UIMC1: variants seen among roughly 807,000 people sequenced by gnomAD.
UIMC1 encodes BRCA1-A complex subunit RAP80.
In UIMC1, 42 loss-of-function variants were observed where a neutral mutation model predicts 84.9. The observed-to-expected ratio is 0.49, with a 90% CI of 0.39 to 0.64. The LOEUF (loss-of-function observed/expected upper bound fraction) is 0.64, where lower values mean the gene tolerates loss of function less well. UIMC1 is among the 30% of genes least tolerant of loss of function. The pLI is 0.00. For missense variants in UIMC1, 825 were observed against 847.6 expected, an observed-to-expected ratio of 0.97 and a Z score of 0.33; for synonymous variants, 281 against 293.0, an observed-to-expected ratio of 0.96 and a Z score of 0.42.
intron 1 of UIMC1, among the ~76,000 whole-genome samples, chr5:177,000,145 A>G (rs894896809): frequency 2.0e-5 from 3 of 152,038 alleles, no homozygotes; most frequent in Non-Finnish European, 4.4e-5. Flanking sequence ...TTTTTAGGAG[A>G]GACGGGGTTT....
intron 2 of UIMC1, chr5:176,980,306 G>GTCCGTCCATCCGTCCATCCGTCCA (rs879280379): frequency 6.6e-6 from 1 of 151,194 alleles, no homozygotes; most frequent in African/African-American, 2.5e-5. Context: ...CCGTCCTTCT[G>GTCCGTCCATCCGTCCATCCGTCCA]TCCGTCCATC....
At chr5:177,015,347 T>A (rs1775647896) in intron 1 of UIMC1, among the ~76,000 whole-genome samples, 1 of 152,198 alleles carries the variant, frequency 6.6e-6, no homozygotes, top group South Asian at 2.1e-4. Context: ...CGTTAACTGC[T>A]CAATTCTCAG....
chr5:176,954,368 T>C (rs10516136), intron 8 of UIMC1, among the ~76,000 whole-genome samples: 14,846 of 152,144 alleles, frequency 0.098, 1,514 homozygotes, highest in African/African-American at 0.26. Flanking sequence ...CACTCGGTAG[T>C]GTAGTCTCTT....
chr5:176,980,749 T>C (rs1381173994), intron 2 of UIMC1, among the ~76,000 whole-genome samples: 8 of 152,098 alleles, frequency 5.3e-5, no homozygotes, highest in East Asian at 1.9e-4. Context: ...AGTAATACAA[T>C]TGTTTTGTTT....
chr5:176,945,716 C>G (rs1431501062), intron 9 of UIMC1, among the ~76,000 whole-genome samples: 1 of 152,248 alleles, frequency 6.6e-6, no homozygotes, highest in Non-Finnish European at 1.5e-5. Flanking sequence ...CATCTTGCCA[C>G]AGCTCCGCTA....
At chr5:176,933,269 G>T (rs1181065011) in intron 10 of UIMC1, among the ~76,000 whole-genome samples, 1 of 152,134 alleles carries the variant, frequency 6.6e-6, no homozygotes, top group Non-Finnish European at 1.5e-5. Context: ...CTTCTTCGAA[G>T]AAGAAATATA....
At chr5:176,943,225 C>T in intron 10 of UIMC1, 110 bp downstream of exon 10, 1 of 1,361,200 alleles carries the variant, frequency 7.3e-7, no homozygotes, top group Non-Finnish European at 9.8e-7. Flanking sequence ...AGACCAACAA[C>T]AACTTTAACT....
upstream of UIMC1, among the ~76,000 whole-genome samples, chr5:177,010,044 A>G (rs1215384124): frequency 1.3e-5 from 2 of 151,964 alleles, no homozygotes; most frequent in Non-Finnish European, 2.9e-5. Flanking sequence ...CCGTGTGGCC[A>G]GAAAAAAAAA....
At chr5:177,007,182 A>G (rs977435237), upstream of UIMC1, among the ~76,000 whole-genome samples, 246 of 152,098 alleles carry the variant, frequency 1.6e-3, no homozygotes, top group African/African-American at 5.7e-3. Flanking sequence ...CTGTACTAAA[A>G]TACAAAAATT....
chr5:176,997,499 A>T (rs2149531790), intron 1 of UIMC1, among the ~76,000 whole-genome samples: 1 of 152,176 alleles, frequency 6.6e-6, no homozygotes, highest in Non-Finnish European at 1.5e-5. Flanking sequence ...CCTGGCTCAC[A>T]CAGTGAAACC....
chr5:176,950,186 G>A (rs1328699355), intron 9 of UIMC1, among the ~76,000 whole-genome samples: 26 of 138,536 alleles, frequency 1.9e-4, no homozygotes, highest in African/African-American at 7.0e-4. Context: ...TGCAACCTCC[G>A]ACTCCCAGGT....
chr5:176,982,609 G>A lies in UIMC1; in HGVS notation c.7C>T (p.Arg3Trp), dbSNP rs369245879. 2.6e-5 allele frequency: 42 copies of A among 1,613,144 alleles called. No homozygotes were observed. The highest frequency in any genetic ancestry group is 2.0e-4 in the African/African-American group (15 of 74,758). ...ACTTCTTTAACTTTTTTCTTTCTCC[G>A]TGGCATCCTTTTGTCTAGAATAAAA... MP[R>W]RKKKVKEVSE... The change falls in exon 2 of 15, where the codon CGG becomes TGG. Residue 3 changes from arginine (R) to tryptophan (W), a missense_variant. Arg to Trp is a moderately radical substitution (Grantham distance 101). Coordinates refer to ENST00000511320, the MANE Select transcript of UIMC1 (RefSeq NM_001199298.2).
chr5:176,923,777 T>A (rs866432133), intron 10 of UIMC1, among the ~76,000 whole-genome samples: 18 of 149,788 alleles, frequency 1.2e-4, no homozygotes, highest in Middle Eastern at 3.5e-3. Flanking sequence ...GGCAAGAGAA[T>A]CGCTTGAACC....
intron 8 of UIMC1, among the ~76,000 whole-genome samples, chr5:176,955,270 C>T (rs936298537): frequency 6.6e-6 from 1 of 152,092 alleles, no homozygotes; most frequent in Admixed American, 6.5e-5. Context: ...AAACAAAGTA[C>T]CTATCTTTTA....
intron 9 of UIMC1, among the ~76,000 whole-genome samples, chr5:176,945,295 C>T (rs536700786): frequency 3.9e-5 from 6 of 152,218 alleles, no homozygotes; most frequent in Non-Finnish European, 7.3e-5. Context: ...AATCTTAAAA[C>T]GAAAAGTTGT....
At chr5:176,955,819 G>A (rs1402657280) in intron 8 of UIMC1, 140 bp downstream of exon 8, 13 of 659,602 alleles carry the variant, frequency 2.0e-5, no homozygotes, top group Middle Eastern at 2.8e-4. Flanking sequence ...ATACGCATAC[G>A]AGTGTTGAGA....
At chr5:177,005,488 G>C (rs1009800581) in intron 1 of UIMC1, among the ~76,000 whole-genome samples, 23 of 151,728 alleles carry the variant, frequency 1.5e-4, no homozygotes, top group African/African-American at 5.1e-4. Context: ...CATTTTTTCA[G>C]TTTATATTCA....
intron 9 of UIMC1, among the ~76,000 whole-genome samples, chr5:176,949,504 T>C (rs1353375712): frequency 1.3e-5 from 2 of 152,218 alleles, no homozygotes; most frequent in Admixed American, 1.3e-4. Flanking sequence ...CATTCCCATT[T>C]AGAAGATTCT....
chr5:177,004,912 C>T (rs1037964890), intron 1 of UIMC1, among the ~76,000 whole-genome samples: 2 of 152,074 alleles, frequency 1.3e-5, no homozygotes, highest in Admixed American at 1.3e-4. Context: ...CTAGCACTTT[C>T]TTTATTTGGA....
Sources: allele counts gnomAD v4.1 joint callset (sites outside exome capture counted in the v4.1 genomes callset), GRCh38; gene constraint gnomAD v4.1.1; transcripts MANE v1.5; gene names NCBI Gene and HGNC (gene_info 2026-07-23, HGNC 2026-07-21).